GALNT2: variants seen among roughly 807,000 people sequenced by gnomAD.
GALNT2 encodes the protein UDP-GalNAc:polypeptide N-acetylgalactosaminyltransferase 2.
Under a neutral mutation model 81.4 loss-of-function variants are expected in GALNT2, and 31 were observed. The ratio of observed to expected loss-of-function variants is 0.38; its 90% CI spans 0.29 to 0.51. GALNT2 has a LOEUF of 0.51. GALNT2 is among the 20% of genes least tolerant of loss of function. The pLI is 0.87. For missense variants in GALNT2, 629 were observed against 765.7 expected (o/e 0.82, Z 2.11); for synonymous variants, 303 against 287.4 (o/e 1.05, Z -0.55).
At chr1:230,098,486 T>C (rs1249980461) in intron 1 of GALNT2, among the ~76,000 whole-genome samples, 2 of 151,820 alleles carry the variant, frequency 1.3e-5, no homozygotes, top group Non-Finnish European at 2.9e-5. Flanking sequence ...AGGAAGAGCC[T>C]GACAAATCCC....
intron 3 of GALNT2, among the ~76,000 whole-genome samples, chr1:230,233,503 C>T (rs1429397587): frequency 6.6e-6 from 1 of 152,252 alleles, no homozygotes; most frequent in African/African-American, 2.4e-5. Context: ...GTCCCAGCTA[C>T]TCGGGAGGCT....
chr1:230,130,308 C>T (rs1218504682), intron 1 of GALNT2, among the ~76,000 whole-genome samples: 4 of 152,210 alleles, frequency 2.6e-5, no homozygotes, highest in Admixed American at 6.5e-5. Context: ...CCTCATGATA[C>T]CTTAGCTCAT....
At chr1:230,109,921 A>T (rs1171369419) in intron 1 of GALNT2, among the ~76,000 whole-genome samples, 4 of 151,888 alleles carry the variant, frequency 2.6e-5, no homozygotes, top group Non-Finnish European at 5.9e-5. Flanking sequence ...TGCATTTGCT[A>T]ACATTTGACC....
intron 1 of GALNT2, among the ~76,000 whole-genome samples, chr1:230,176,683 C>T (rs894582824): frequency 2.6e-5 from 4 of 152,140 alleles, no homozygotes; most frequent in African/African-American, 4.8e-5. Flanking sequence ...CCAGGGTTCC[C>T]GCAAAATCAG....
At chr1:230,104,263 T>G (rs1558085142) in intron 1 of GALNT2, among the ~76,000 whole-genome samples, 1 of 152,190 alleles carries the variant, frequency 6.6e-6, no homozygotes, top group South Asian at 2.1e-4. Flanking sequence ...TCTCTCCTCC[T>G]TTCTCCAAAG....
chr1:230,191,449 T>C (rs994961254), intron 2 of GALNT2, among the ~76,000 whole-genome samples: 4 of 152,212 alleles, frequency 2.6e-5, no homozygotes, highest in Admixed American at 1.3e-4. Context: ...CTGAAGACTT[T>C]TTTTCTCTTT....
At chr1:230,067,586 G>T (rs945476549) in intron 1 of GALNT2, among the ~76,000 whole-genome samples, 180 bp downstream of exon 1, 10 of 151,898 alleles carry the variant, frequency 6.6e-5, no homozygotes, top group African/African-American at 2.4e-4. Context: ...CGGCCCCTCT[G>T]CGCACGCCGG....
chr1:230,187,357 C>A (rs540478544), intron 2 of GALNT2, among the ~76,000 whole-genome samples: 2 of 152,244 alleles, frequency 1.3e-5, no homozygotes, highest in Non-Finnish European at 2.9e-5. Flanking sequence ...GGATAGTTCC[C>A]TTGACCCCTT....
intron 3 of GALNT2, among the ~76,000 whole-genome samples, chr1:230,210,283 A>G (rs1483814156): frequency 7.9e-5 from 12 of 152,140 alleles, no homozygotes; most frequent in Admixed American, 7.2e-4. Context: ...AATGAAATCA[A>G]CCTTTAGGGG....
At chr1:230,229,714 T>G (rs1664815882) in intron 3 of GALNT2, among the ~76,000 whole-genome samples, 1 of 152,190 alleles carries the variant, frequency 6.6e-6, no homozygotes, top group Non-Finnish European at 1.5e-5. Flanking sequence ...GAAAGCAGTG[T>G]AGCAGTGAGG....
intron 2 of GALNT2, 30 bp downstream of exon 2, chr1:230,178,341 C>T (rs1279031726): frequency 1.3e-6 from 2 of 1,555,552 alleles, no homozygotes; most frequent in Non-Finnish European, 1.8e-6. Flanking sequence ...AGCCATCTTG[C>T]TTTGAGCACG....
At chr1:230,129,768 C>T (rs1034267684) in intron 1 of GALNT2, among the ~76,000 whole-genome samples, 2 of 152,224 alleles carry the variant, frequency 1.3e-5, no homozygotes, top group South Asian at 4.1e-4. Context: ...ATTCTGCATG[C>T]TGCTGGGGGT....
At chr1:230,218,409 C>T (rs901412579) in intron 3 of GALNT2, among the ~76,000 whole-genome samples, 1 of 152,148 alleles carries the variant, frequency 6.6e-6, no homozygotes, top group Admixed American at 6.5e-5. Context: ...ACGATCTTGG[C>T]GTGTCAGTTA....
chr1:230,143,007 C>T (rs1661797126), intron 1 of GALNT2, among the ~76,000 whole-genome samples: 1 of 152,166 alleles, frequency 6.6e-6, no homozygotes, highest in African/African-American at 2.4e-5. Flanking sequence ...AGGCTGGGCC[C>T]ATCCCTGGTT....
intron 11 of GALNT2, among the ~76,000 whole-genome samples, chr1:230,260,848 T>C (rs1261099525): frequency 1.3e-5 from 2 of 152,242 alleles, no homozygotes; most frequent in Admixed American, 1.3e-4. Flanking sequence ...AACACTCTCA[T>C]AATTTGATGA....
intron 2 of GALNT2, among the ~76,000 whole-genome samples, chr1:230,186,218 CTG>C (rs1185045534): frequency 1.3e-5 from 2 of 152,196 alleles, no homozygotes; most frequent in Non-Finnish European, 2.9e-5. Flanking sequence ...GTGTTCTTGA[CTG>C]TGGTTGGACA....
chr1:230,058,651 T>C (rs1342647481), intron 1 of GALNT2, among the ~76,000 whole-genome samples: 2 of 152,378 alleles, frequency 1.3e-5, no homozygotes, highest in East Asian at 1.9e-4. Flanking sequence ...GCCTGGCATA[T>C]GGTAAGCACA....
intron 1 of GALNT2, among the ~76,000 whole-genome samples, chr1:230,073,067 A>G (rs553629252): frequency 6.6e-6 from 1 of 151,972 alleles, no homozygotes; most frequent in Non-Finnish European, 1.5e-5. Context: ...AGGAGGAGGG[A>G]TGTCTTGGTA....
chr1:230,115,869 T>G (rs1020111418), intron 1 of GALNT2, among the ~76,000 whole-genome samples: 2 of 152,264 alleles, frequency 1.3e-5, no homozygotes, highest in African/African-American at 4.8e-5. Context: ...GCATGTTCCC[T>G]AGGAATAGAT....
Sources: gnomAD v4.1 joint callset for allele counts (sites outside exome capture counted in the v4.1 genomes callset) on GRCh38, gnomAD v4.1.1 for gene constraint, MANE v1.5 for transcripts, NCBI Gene and HGNC (gene_info 2026-07-23, HGNC 2026-07-21) for gene names.